The following BNC2 variants were observed in gnomAD, a reference collection of about 807,000 sequenced individuals.
The protein encoded by BNC2 is zinc finger protein basonuclin-2.
A neutral mutation model predicts 76.3 loss-of-function variants in BNC2; 20 were observed. The ratio of observed to expected loss-of-function variants is 0.26; its 90% CI spans 0.18 to 0.38. The LOEUF (loss-of-function observed/expected upper bound fraction) is 0.38, where lower values mean the gene tolerates loss of function less well. Among genes scored for constraint, BNC2 ranks in the 10% least tolerant of loss-of-function variants. The pLI, the probability that BNC2 is intolerant of heterozygous loss-of-function variation, is 1.00. For synonymous variants in BNC2, 582 were observed against 514.8 expected (o/e 1.13, Z -1.77); for missense variants, 1,382 against 1,399.8 (o/e 0.99, Z 0.20).
rs769624779 is a variant in BNC2 at position 16,419,248 on chromosome 9, C to A, written c.3041G>T (p.Ser1014Ile). 5 of 1,614,214 alleles carry A rather than the reference C, an allele frequency of 3.1e-6. No individual in the cohort carries two copies. The South Asian group carries it at 4.4e-5, about 14-fold the overall frequency. ...HKAEAPALPG[S>I]LGAEVSGSLM... ...AGATCCTGAAACTTCAGCCCCTAGG[C>A]TGCCAGGGAGGGCAGGGGCCTCGGC... The change falls in exon 7 of 7, where the codon AGC becomes ATC. Residue 1014 changes from serine to isoleucine, a missense_variant. Ser to Ile is a moderately radical substitution (Grantham distance 142). Coordinates refer to ENST00000380672, the MANE Select transcript of BNC2 (RefSeq NM_017637.6).
intron 3 of BNC2, among the ~76,000 whole-genome samples, chr9:16,708,043 C>G (rs117054425): frequency 0.013 from 2,039 of 152,262 alleles, 22 homozygotes; most frequent in South Asian, 0.064. Context: ...AAACTATTTT[C>G]TATGAAATTG....
rs900527310 is a variant in BNC2 at position 16,759,658 on chromosome 9, C to T, written c.4-21173G>A. Among the ~76,000 whole-genome samples, 8 of 151,962 alleles carry T rather than the reference C, an allele frequency of 5.3e-5. No homozygotes were observed. The South Asian group carries it at 6.2e-4, about 12-fold the overall frequency. On this transcript the variant is annotated intron_variant, in intron 1 of 6. Transcript: ENST00000380672. Reference sequence around the variant, plus strand: ...ATTTTAAATCTGTGAAGGCATTCTACAATCACAACTGAAGGTAGAAGTCAC... The same window carrying T: ...ATTTTAAATCTGTGAAGGCATTCTATAATCACAACTGAAGGTAGAAGTCAC...
intron 1 of BNC2, among the ~76,000 whole-genome samples, chr9:16,785,640 G>A (rs1166181106): frequency 1.3e-5 from 2 of 148,148 alleles, no homozygotes; most frequent in Non-Finnish European, 3.0e-5. Flanking sequence ...TCAGGTGATC[G>A]GCCCGCCTCG....
chr9:16,482,884 G>A (rs756640936), intron 5 of BNC2, among the ~76,000 whole-genome samples: 1 of 152,174 alleles, frequency 6.6e-6, no homozygotes, highest in African/African-American at 2.4e-5. Flanking sequence ...AAGGTCCGGG[G>A]CTTTCCGTGG....
rs142342345 is a variant in BNC2, at chr9:16,841,032, GA to G, written c.3+29613del. ...TCGTTGTTCTTCCGATTCCACATTT[GA>G]ACACTGTAGTTCTCTACTTCACGGG... On this transcript the variant is annotated intron_variant, in intron 1 of 6. Transcript: ENST00000380672. Among the ~76,000 whole-genome samples the G allele has an allele frequency of 8.5e-4, 129 of 152,214 alleles. No homozygotes were observed. In the East Asian group the frequency reaches 0.02, roughly 24 times the overall value.
At chr9:16,601,986 G>A (rs1471779419) in intron 3 of BNC2, among the ~76,000 whole-genome samples, 1 of 152,142 alleles carries the variant, frequency 6.6e-6, no homozygotes, top group African/African-American at 2.4e-5. Flanking sequence ...AATCGTCAAA[G>A]TATGGAGCCA....
chr9:16,710,164 T>A (rs1346270579), intron 3 of BNC2, among the ~76,000 whole-genome samples: 1 of 152,036 alleles, frequency 6.6e-6, no homozygotes, highest in Non-Finnish European at 1.5e-5. Context: ...AGCTTGAATC[T>A]CTTCCCCTCC....
At chr9:16,706,431 C>A (rs953083062) in intron 3 of BNC2, among the ~76,000 whole-genome samples, 2 of 152,212 alleles carry the variant, frequency 1.3e-5, no homozygotes, top group African/African-American at 4.8e-5. Context: ...ATTATCCCTA[C>A]AGAAGGCAGA....
At chr9:16,854,287 C>T (rs1819200078) in intron 1 of BNC2, among the ~76,000 whole-genome samples, 1 of 152,162 alleles carries the variant, frequency 6.6e-6, no homozygotes, top group South Asian at 2.1e-4. Context: ...TAAAATAATA[C>T]CACAAATAGA....
At position 16,582,564 on chromosome 9, in the gene BNC2, C is replaced by T. The variant is rs952577798; in HGVS notation, c.433+419G>A. ...TAACATCTAGAAGGATAAGCTCAGC[C>T]CCGAGCACATACGACAAGGGTGAGC... On this transcript the variant is annotated intron_variant, in intron 4 of 6. Transcript: ENST00000380672. 7.9e-5 allele frequency among the ~76,000 whole-genome samples: 12 copies of T among 152,142 alleles called. No homozygotes were observed. In the South Asian group the frequency reaches 2.5e-3, roughly 31 times the overall value.
chr9:16,517,255 A>G (rs1817469906), intron 5 of BNC2, among the ~76,000 whole-genome samples: 1 of 152,214 alleles, frequency 6.6e-6, no homozygotes, highest in South Asian at 2.1e-4. Context: ...AAACCTCAGG[A>G]GCTTGCATAT....
At chr9:16,526,468 T>C (rs891406853) in intron 5 of BNC2, among the ~76,000 whole-genome samples, 2 of 56,714 alleles carry the variant, frequency 3.5e-5, no homozygotes, top group African/African-American at 7.0e-5. Flanking sequence ...AGTTTAATGC[T>C]TTTTTTTTTT....
At chr9:16,834,196 C>CA (rs112618677) in intron 1 of BNC2, among the ~76,000 whole-genome samples, 123,192 of 149,934 alleles carry the variant, frequency 0.82, 50,632 homozygotes, top group East Asian at 0.9. Context: ...ACTGGCCAGT[C>CA]AAAAAAAAAA....
chr9:16,669,278 A>G (rs1355447853), intron 3 of BNC2, among the ~76,000 whole-genome samples: 1 of 152,166 alleles, frequency 6.6e-6, no homozygotes, highest in Non-Finnish European at 1.5e-5. Flanking sequence ...TAAGGGAGTA[A>G]TTTTCCTTAT....
intron 5 of BNC2, among the ~76,000 whole-genome samples, chr9:16,453,995 C>T (rs74814225): frequency 0.011 from 1,715 of 152,256 alleles, 33 homozygotes; most frequent in African/African-American, 0.039. Flanking sequence ...TATACTCCCA[C>T]CACCAACGTT....
chr9:16,622,190 C>T (rs557923715), intron 3 of BNC2, among the ~76,000 whole-genome samples: 2 of 152,254 alleles, frequency 1.3e-5, no homozygotes, highest in East Asian at 3.9e-4. Flanking sequence ...AGTTACTTTT[C>T]ACACTTTCAT....
At chr9:16,677,064 T>C (rs776259124) in intron 3 of BNC2, among the ~76,000 whole-genome samples, 11 of 152,206 alleles carry the variant, frequency 7.2e-5, no homozygotes, top group Non-Finnish European at 1.3e-4. Context: ...TTTCAAGATA[T>C]GTGAAAATTT....
intron 1 of BNC2, among the ~76,000 whole-genome samples, chr9:16,747,432 T>A (rs1825042730): frequency 6.6e-6 from 1 of 152,240 alleles, no homozygotes; most frequent in African/African-American, 2.4e-5. Context: ...TGGAACTTTA[T>A]ATTTATTGAG....
At chr9:16,562,548 A>C (rs966027018) in intron 4 of BNC2, among the ~76,000 whole-genome samples, 1 of 152,226 alleles carries the variant, frequency 6.6e-6, no homozygotes, top group Non-Finnish European at 1.5e-5. Flanking sequence ...AATATTTACC[A>C]TTAATCATCA....
Sources: gnomAD v4.1 joint callset for allele counts (sites outside exome capture counted in the v4.1 genomes callset) on GRCh38, gnomAD v4.1.1 for gene constraint, MANE v1.5 for transcripts, NCBI Gene and HGNC (gene_info 2026-07-23, HGNC 2026-07-21) for gene names.